Variants in KCNQ5 observed in about 807,000 individuals in gnomAD.
The protein encoded by KCNQ5 is potassium voltage-gated channel subfamily Q member 5.
KCNQ5 carries 30 observed loss-of-function variants against 98.2 expected under a neutral mutation model. That is an observed-to-expected ratio of 0.31 (90% CI 0.23 to 0.41). The LOEUF is 0.41. Ranked by LOEUF, KCNQ5 falls within the 10% of genes least tolerant of loss-of-function variation. KCNQ5 has a pLI of 1.00. For synonymous variants in KCNQ5, 458 were observed against 449.4 expected (o/e 1.02, Z -0.24); for missense variants, 835 against 1,182.5 (o/e 0.71, Z 4.31).
At chr6:72,797,886 T>C (rs1774424626) in intron 1 of KCNQ5, among the ~76,000 whole-genome samples, 2 of 152,320 alleles carry the variant, frequency 1.3e-5, no homozygotes, top group Non-Finnish European at 2.9e-5. Flanking sequence ...TCTATATTCA[T>C]TATTAGTTAT....
chr6:72,885,655 A>C (rs1010158474), intron 1 of KCNQ5, among the ~76,000 whole-genome samples: 1 of 152,198 alleles, frequency 6.6e-6, no homozygotes, highest in Admixed American at 6.5e-5. Context: ...GCCTGAATTA[A>C]AGAGCGATTT....
intron 7 of KCNQ5, among the ~76,000 whole-genome samples, chr6:73,116,574 G>C (rs1775505972): frequency 6.6e-6 from 1 of 152,148 alleles, no homozygotes; most frequent in Admixed American, 6.5e-5. Flanking sequence ...TACTCAGGAG[G>C]CTGAAGCCAG....
chr6:72,842,672 G>A (rs549121111), intron 1 of KCNQ5, among the ~76,000 whole-genome samples: 2 of 152,046 alleles, frequency 1.3e-5, no homozygotes, highest in South Asian at 2.1e-4. Context: ...TTTAATGATC[G>A]CCATTCTAAC....
chr6:72,828,773 G>C (rs1776111968), intron 1 of KCNQ5, among the ~76,000 whole-genome samples: 1 of 151,884 alleles, frequency 6.6e-6, no homozygotes, highest in East Asian at 1.9e-4. Flanking sequence ...TCTTTATTTT[G>C]TTTGGTCTAA....
chr6:72,941,039 C>A (rs1339236413), intron 1 of KCNQ5, among the ~76,000 whole-genome samples: 1 of 152,086 alleles, frequency 6.6e-6, no homozygotes, highest in Non-Finnish European at 1.5e-5. Flanking sequence ...TCTTATTAAA[C>A]AAAGATTCAG....
At chr6:72,692,341 C>T (rs1768253267) in intron 1 of KCNQ5, among the ~76,000 whole-genome samples, 1 of 152,172 alleles carries the variant, frequency 6.6e-6, no homozygotes, top group Non-Finnish European at 1.5e-5. Flanking sequence ...ATTTAGCTTG[C>T]AGGATGGTTT....
chr6:73,038,124 T>C (rs1214245769), intron 2 of KCNQ5, among the ~76,000 whole-genome samples: 5 of 152,080 alleles, frequency 3.3e-5, no homozygotes, highest in African/African-American at 1.2e-4. Context: ...GTTATTTTTA[T>C]TTGGAATTAT....
intron 1 of KCNQ5, among the ~76,000 whole-genome samples, chr6:72,886,995 T>A (rs1028608381): frequency 1.3e-5 from 2 of 152,194 alleles, no homozygotes; most frequent in African/African-American, 4.8e-5. Context: ...ATGATGAGTA[T>A]TATTATGTAA....
chr6:73,077,283 G>T (rs771715400), intron 3 of KCNQ5, 39 bp from the exon 4 acceptor site: 1 of 1,579,832 alleles, frequency 6.3e-7, no homozygotes, highest in South Asian at 1.1e-5. Context: ...AAAATTCCTG[G>T]TCGTGCTAAC....
intron 1 of KCNQ5, among the ~76,000 whole-genome samples, chr6:72,689,156 C>T (rs996560797): frequency 2.6e-5 from 4 of 152,124 alleles, no homozygotes; most frequent in Non-Finnish European, 5.9e-5. Context: ...CCTTTGGAGT[C>T]CTGGTTAGAA....
intron 1 of KCNQ5, among the ~76,000 whole-genome samples, chr6:72,784,190 T>C (rs1481642669): frequency 6.6e-6 from 1 of 152,140 alleles, no homozygotes; most frequent in Non-Finnish European, 1.5e-5. Flanking sequence ...GGAGAGAGCA[T>C]GATCAAGATG....
chr6:72,762,878 T>A (rs948191523), intron 1 of KCNQ5, among the ~76,000 whole-genome samples: 1 of 152,070 alleles, frequency 6.6e-6, no homozygotes, highest in Non-Finnish European at 1.5e-5. Flanking sequence ...GTCACTTATA[T>A]CTTATTTAAA....
At chr6:72,822,465 A>G (rs1197417300) in intron 1 of KCNQ5, among the ~76,000 whole-genome samples, 1 of 152,158 alleles carries the variant, frequency 6.6e-6, no homozygotes, top group African/African-American at 2.4e-5. Context: ...AGCTTTGTTC[A>G]TAAGATTGGT....
chr6:73,101,495 T>A (rs529800421), intron 5 of KCNQ5, among the ~76,000 whole-genome samples: 4 of 152,300 alleles, frequency 2.6e-5, no homozygotes, highest in East Asian at 1.9e-4. Context: ...TGATCTTATA[T>A]TTGGAAAAAC....
chr6:73,080,890 G>A (rs1053846453), intron 5 of KCNQ5, among the ~76,000 whole-genome samples: 29 of 152,272 alleles, frequency 1.9e-4, no homozygotes, highest in Middle Eastern at 3.4e-3. Flanking sequence ...ATCAACATTT[G>A]GAGGGATATC....
At position 73,041,953 on chromosome 6, in the gene KCNQ5, C is replaced by T; in HGVS notation, c.507C>T (p.Val169=). Residue 169 remains valine, a synonymous_variant, in exon 3 of 14, where the codon GTC becomes GTT. Transcript: ENST00000370398. ...TATTTTAGGAGTTCGTGATGATTGT[C>T]GTCTTTGGTTTGGAGTTCATCATTC... is the stretch of plus-strand genomic sequence containing the variant. The part of the protein sequence containing the change: ...CLLILEFVMI[V]VFGLEFIIRI... 1.2e-6 allele frequency: 2 copies of T among 1,613,758 alleles called. No homozygotes were observed. Among genetic ancestry groups the T allele is most frequent in the Non-Finnish European group, 1.7e-6 (2 of 1,179,748 alleles).
Position 73,059,746 on chromosome 6 carries a change from C to G in KCNQ5, c.617-17576C>G, listed in dbSNP as rs138832152. On this transcript the variant is annotated intron_variant, in intron 3 of 13. Coordinates refer to ENST00000370398, the MANE Select transcript of KCNQ5 (RefSeq NM_019842.4). ...AGTTAACGAAATGTATATTTTACCA[C>G]TTGGGTCAAGAAACAAATGAAAGTA... is the stretch of plus-strand genomic sequence containing the variant. Among the ~76,000 whole-genome samples the G allele has an allele frequency of 6.6e-4, 101 of 151,960 alleles. 1 individual carries two copies. Among genetic ancestry groups the G allele is most frequent in the African/African-American group, 2.4e-3 (101 of 41,434 alleles).
At chr6:72,927,389 C>A (rs72943367) in intron 1 of KCNQ5, among the ~76,000 whole-genome samples, 1,880 of 152,106 alleles carry the variant, frequency 0.012, 17 homozygotes, top group Non-Finnish European at 0.019. Context: ...TACTACAAAT[C>A]GGAGAAGCAA....
intron 1 of KCNQ5, among the ~76,000 whole-genome samples, chr6:72,676,342 A>G (rs1190381573): frequency 6.6e-6 from 1 of 152,166 alleles, no homozygotes; most frequent in African/African-American, 2.4e-5. Flanking sequence ...TTTATGTCAC[A>G]AAGCAGCAGA....
Sources: gnomAD v4.1 joint callset for allele counts (sites outside exome capture counted in the v4.1 genomes callset) on GRCh38, gnomAD v4.1.1 for gene constraint, MANE v1.5 for transcripts, NCBI Gene and HGNC (gene_info 2026-07-23, HGNC 2026-07-21) for gene names.